The following CNIH3 variants were observed in gnomAD, a reference collection of about 807,000 sequenced individuals.
CNIH3 encodes the protein cornichon family AMPA receptor auxiliary protein 3, also known as protein cornichon homolog 3.
Under a neutral mutation model 24.1 loss-of-function variants are expected in CNIH3, and 14 were observed. That is an observed-to-expected ratio of 0.58 (90% CI 0.38 to 0.91). The LOEUF (loss-of-function observed/expected upper bound fraction) is 0.91, where lower values mean the gene tolerates loss of function less well. Ranked by LOEUF, CNIH3 falls within the 40% of genes least tolerant of loss-of-function variation. The pLI is 0.00. For missense variants in CNIH3, 178 were observed against 196.8 expected (o/e 0.90, Z 0.57); for synonymous variants, 68 against 73.8 (o/e 0.92, Z 0.40).
At chr1:224,507,908 G>A (rs1677984458) in intron 1 of CNIH3, among the ~76,000 whole-genome samples, 1 of 152,306 alleles carries the variant, frequency 6.6e-6, no homozygotes, top group East Asian at 1.9e-4. Context: ...CCATATACAG[G>A]TTTGATACCT....
At chr1:224,659,794 A>G (rs1305508804) in intron 1 of CNIH3, among the ~76,000 whole-genome samples, 1 of 152,204 alleles carries the variant, frequency 6.6e-6, no homozygotes, top group Admixed American at 6.5e-5. Flanking sequence ...ACTGGAGGAA[A>G]AAAAGTTAAA....
intron 4 of CNIH3, among the ~76,000 whole-genome samples, chr1:224,580,589 G>A (rs1681231741): frequency 6.6e-6 from 1 of 151,828 alleles, no homozygotes; most frequent in Admixed American, 6.6e-5. Context: ...GCACTTTTGG[G>A]AGCCCAAGGT....
At chr1:224,595,679 G>A (rs1681948874) in intron 3 of CNIH3, among the ~76,000 whole-genome samples, 2 of 152,216 alleles carry the variant, frequency 1.3e-5, no homozygotes, top group Non-Finnish European at 2.9e-5. Flanking sequence ...TAGGCCTCTT[G>A]TCAGTTAGCC....
chr1:224,693,921 C>T (rs924292853), intron 3 of CNIH3, among the ~76,000 whole-genome samples: 11 of 152,198 alleles, frequency 7.2e-5, no homozygotes, highest in East Asian at 1.9e-4. Flanking sequence ...GTAGTTCTTG[C>T]GAGGGTCTAG....
At chr1:224,681,303 T>G (rs1686390223) in intron 2 of CNIH3, among the ~76,000 whole-genome samples, 1 of 152,186 alleles carries the variant, frequency 6.6e-6, no homozygotes, top group Non-Finnish European at 1.5e-5. Context: ...GGTGCTCTTG[T>G]GTTTTGGTTA....
chr1:224,526,363 C>A (rs1339904796), intron 2 of CNIH3, among the ~76,000 whole-genome samples: 1 of 152,060 alleles, frequency 6.6e-6, no homozygotes, highest in Non-Finnish European at 1.5e-5. Context: ...GATTAGTGCC[C>A]TCGTAAAAGA....
At chr1:224,687,778 A>AT (rs1369882500) in intron 3 of CNIH3, among the ~76,000 whole-genome samples, 1 of 152,174 alleles carries the variant, frequency 6.6e-6, no homozygotes, top group African/African-American at 2.4e-5. Context: ...GAGCTTAATA[A>AT]TTGTATGGCA....
intron 3 of CNIH3, among the ~76,000 whole-genome samples, chr1:224,729,013 T>A (rs1220911665): frequency 2.0e-5 from 3 of 151,974 alleles, no homozygotes; most frequent in Non-Finnish European, 4.4e-5. Context: ...ATGGATAGAT[T>A]ATGGAAAGTA....
intron 5 of CNIH3, among the ~76,000 whole-genome samples, chr1:224,737,471 G>T (rs1273060863): frequency 6.6e-6 from 1 of 152,062 alleles, no homozygotes; most frequent in East Asian, 1.9e-4. Flanking sequence ...GTTGAATCTG[G>T]CCCCTTGGTG....
At chr1:224,595,687 G>A (rs1174389342) in intron 3 of CNIH3, among the ~76,000 whole-genome samples, 4 of 152,196 alleles carry the variant, frequency 2.6e-5, no homozygotes, top group African/African-American at 7.2e-5. Flanking sequence ...TTGTCAGTTA[G>A]CCAAGTTGTG....
chr1:224,580,600 G>A (rs957707459), intron 4 of CNIH3, among the ~76,000 whole-genome samples: 7 of 152,030 alleles, frequency 4.6e-5, no homozygotes, highest in African/African-American at 1.7e-4. Context: ...AGCCCAAGGT[G>A]GGTGGATCAT....
At chr1:224,539,309 C>T (rs1406261184), downstream of CNIH3, among the ~76,000 whole-genome samples, 1 of 152,198 alleles carries the variant, frequency 6.6e-6, no homozygotes, top group Non-Finnish European at 1.5e-5. Context: ...CTCTTGACAT[C>T]CAAATCATCA....
intron 3 of CNIH3, among the ~76,000 whole-genome samples, chr1:224,610,645 T>A (rs1007402568): frequency 2.0e-5 from 3 of 152,244 alleles, no homozygotes; most frequent in African/African-American, 7.2e-5. Flanking sequence ...GAAAACAGAC[T>A]AATGCAAACT....
intron 3 of CNIH3, chr1:224,565,231 T>G (rs1278026244): frequency 6.6e-6 from 1 of 152,222 alleles, no homozygotes; most frequent in African/African-American, 2.4e-5. Flanking sequence ...GCAAAAAGTC[T>G]TATAGTTATG....
chr1:224,584,843 TG>T (rs1213567535), intron 5 of CNIH3, among the ~76,000 whole-genome samples: 4 of 152,202 alleles, frequency 2.6e-5, no homozygotes, highest in African/African-American at 9.7e-5. Flanking sequence ...CAATGCCTAA[TG>T]GGTTGGCCCA....
Position 224,616,354 on chromosome 1 carries a change from C to CAGCGGT in CNIH3, c.-818_-817insGGTAGC, listed in dbSNP as rs1015165531. The CAGCGGT allele has an allele frequency of 3.4e-6, 2 of 581,620 alleles. No individual in the cohort carries two copies. The highest frequency in any genetic ancestry group is 4.1e-5 in the African/African-American group (2 of 48,920). The allele number at this position is 581,620 out of a possible 1,614,324, so 36.0% of individuals were successfully genotyped here. A position where few individuals can be genotyped will look rare whatever the true frequency, so the allele number is the denominator to read the frequency against. On this transcript the variant is annotated 5_prime_UTR_variant, in exon 1 of 6. Transcript: ENST00000272133. ...GCGGCGGCGGCGGCGGCGGCAGCGG[C>CAGCGGT]AGCAGCAGGTGGAGCGAGCTACAGC...
At chr1:224,486,369 T>G (rs532016615) in intron 1 of CNIH3, among the ~76,000 whole-genome samples, 2 of 152,166 alleles carry the variant, frequency 1.3e-5, no homozygotes, top group African/African-American at 4.8e-5. Context: ...TGCCTCTGCC[T>G]CCCAAAGTGC....
chr1:224,510,615 A>G (rs746501931), intron 1 of CNIH3, among the ~76,000 whole-genome samples: 1 of 83,836 alleles, frequency 1.2e-5, no homozygotes, highest in African/African-American at 7.8e-5. Flanking sequence ...AAAACAAAAA[A>G]AAAACAAAAA....
intron 2 of CNIH3, among the ~76,000 whole-genome samples, chr1:224,527,665 G>A (rs1342844470): frequency 1.3e-5 from 2 of 152,050 alleles, no homozygotes; most frequent in Admixed American, 1.3e-4. Context: ...TGGAAAATTG[G>A]CTTGGATACA....
Sources: allele counts gnomAD v4.1 joint callset (sites outside exome capture counted in the v4.1 genomes callset), GRCh38; gene constraint gnomAD v4.1.1; transcripts MANE v1.5; gene names NCBI Gene and HGNC (gene_info 2026-07-23, HGNC 2026-07-21).